The following CNTN5 variants were observed in gnomAD, a reference collection of about 807,000 sequenced individuals.
CNTN5 encodes contactin-5.
In CNTN5, 77 loss-of-function variants were observed where a neutral mutation model predicts 129.1. The ratio of observed to expected loss-of-function variants is 0.60; its 90% confidence interval spans 0.50 to 0.72. CNTN5 has a LOEUF of 0.72. Ranked by LOEUF, CNTN5 falls within the 30% of genes least tolerant of loss-of-function variation. The probability of loss-of-function intolerance (pLI) is 0.00; values close to 1 mark genes in which losing one functional copy is unlikely to be tolerated. For synonymous variants in CNTN5, 509 were observed against 465.6 expected (o/e 1.09, Z -1.20); for missense variants, 1,478 against 1,328.8 (o/e 1.11, Z -1.75).
chr11:100,125,342 T>A (rs937992274), intron 13 of CNTN5, among the ~76,000 whole-genome samples: 1 of 152,160 alleles, frequency 6.6e-6, no homozygotes, highest in African/African-American at 2.4e-5. Context: ...CCTCTAGTAA[T>A]CCTCAGTGTC....
At chr11:100,263,395 A>G (rs1950243202) in intron 17 of CNTN5, among the ~76,000 whole-genome samples, 1 of 152,190 alleles carries the variant, frequency 6.6e-6, no homozygotes, top group African/African-American at 2.4e-5. Flanking sequence ...TGTATGAAAC[A>G]CTGTAATATC....
intron 2 of CNTN5, among the ~76,000 whole-genome samples, chr11:99,554,273 T>C (rs1948596155): frequency 6.6e-6 from 1 of 152,112 alleles, no homozygotes; most frequent in African/African-American, 2.4e-5. Context: ...ACTGACTTAT[T>C]TATCCATGTG....
intron 2 of CNTN5, among the ~76,000 whole-genome samples, chr11:99,495,771 G>T (rs2135365744): frequency 6.6e-6 from 1 of 152,276 alleles, no homozygotes; most frequent in East Asian, 1.9e-4. Flanking sequence ...CAATTGAGAG[G>T]ATGGTGTACA....
intron 2 of CNTN5, among the ~76,000 whole-genome samples, chr11:99,534,904 A>G (rs1395537439): frequency 6.6e-6 from 1 of 152,154 alleles, no homozygotes; most frequent in African/African-American, 2.4e-5. Flanking sequence ...TTTACCCAAG[A>G]TGTGTGAAAG....
At chr11:99,449,131 T>C (rs1944196758) in intron 2 of CNTN5, among the ~76,000 whole-genome samples, 1 of 152,096 alleles carries the variant, frequency 6.6e-6, no homozygotes, top group East Asian at 1.9e-4. Flanking sequence ...GAGCTTACCA[T>C]TGTGTTAGCA....
chr11:99,791,371 G>A (rs1235968428), intron 3 of CNTN5, among the ~76,000 whole-genome samples: 1 of 152,110 alleles, frequency 6.6e-6, no homozygotes, highest in African/African-American at 2.4e-5. Context: ...TGGCTAGCAG[G>A]TTATTCCAAC....
intron 17 of CNTN5, among the ~76,000 whole-genome samples, chr11:100,266,542 A>G (rs1238137049): frequency 6.6e-6 from 1 of 151,680 alleles, no homozygotes; most frequent in Non-Finnish European, 1.5e-5. Context: ...ATTGCATTAT[A>G]TTTCACCAAA....
intron 1 of CNTN5, among the ~76,000 whole-genome samples, chr11:99,125,506 G>A (rs1210578495): frequency 1.3e-5 from 2 of 152,086 alleles, no homozygotes; most frequent in African/African-American, 2.4e-5. Flanking sequence ...CATACTGAAT[G>A]GGTAAAAGCT....
chr11:100,262,279 G>T (rs1357834162), intron 17 of CNTN5, among the ~76,000 whole-genome samples: 1 of 152,320 alleles, frequency 6.6e-6, no homozygotes, highest in African/African-American at 2.4e-5. Context: ...ATCATTAAAA[G>T]TCAGGAAACA....
chr11:99,275,566 T>G (rs535170668), intron 1 of CNTN5, among the ~76,000 whole-genome samples: 1 of 151,794 alleles, frequency 6.6e-6, no homozygotes, highest in African/African-American at 2.4e-5. Context: ...TTATTATTGT[T>G]AATGACTTCA....
At chr11:99,508,834 A>G (rs887883620) in intron 2 of CNTN5, among the ~76,000 whole-genome samples, 3 of 152,040 alleles carry the variant, frequency 2.0e-5, no homozygotes, top group Non-Finnish European at 2.9e-5. Flanking sequence ...GGCATGCGCC[A>G]CAATGCCCGG....
chr11:100,263,653 T>G (rs1291682878), intron 17 of CNTN5, among the ~76,000 whole-genome samples: 1 of 152,174 alleles, frequency 6.6e-6, no homozygotes, highest in Non-Finnish European at 1.5e-5. Context: ...GGTAGTTAAT[T>G]CAGGAAGGAC....
At chr11:99,918,446 T>A (rs975450985) in intron 7 of CNTN5, among the ~76,000 whole-genome samples, 1 of 152,194 alleles carries the variant, frequency 6.6e-6, no homozygotes, top group African/African-American at 2.4e-5. Context: ...AGAATTTTTT[T>A]AAAAACCTAT....
intron 2 of CNTN5, among the ~76,000 whole-genome samples, chr11:99,383,554 T>C (rs890520342): frequency 6.6e-6 from 1 of 152,104 alleles, no homozygotes; most frequent in Admixed American, 6.6e-5. Flanking sequence ...CTGCTCGTGG[T>C]TGATACTCAT....
intron 1 of CNTN5, among the ~76,000 whole-genome samples, chr11:99,045,009 T>C (rs996277426): frequency 1.3e-5 from 2 of 152,174 alleles, no homozygotes; most frequent in Admixed American, 1.3e-4. Context: ...TGCATGATGT[T>C]ATTGTGAAGA....
intron 9 of CNTN5, among the ~76,000 whole-genome samples, chr11:100,049,233 G>T (rs1239598089): frequency 2.6e-5 from 4 of 151,952 alleles, no homozygotes; most frequent in African/African-American, 7.3e-5. Context: ...ATATAATAAT[G>T]TGTTAGAGGG....
At chr11:99,259,845 A>G (rs1449998842) in intron 1 of CNTN5, among the ~76,000 whole-genome samples, 2 of 151,956 alleles carry the variant, frequency 1.3e-5, no homozygotes, top group African/African-American at 4.8e-5. Context: ...GTATAAAAAC[A>G]ATATCTCGTT....
chr11:99,826,293 T>C (rs1946955279), intron 4 of CNTN5, among the ~76,000 whole-genome samples: 1 of 152,194 alleles, frequency 6.6e-6, no homozygotes, highest in African/African-American at 2.4e-5. Flanking sequence ...ATTACAGTTC[T>C]GTTGGGGCTA....
chr11:99,460,792 G>A (rs1944669082), intron 2 of CNTN5, among the ~76,000 whole-genome samples: 1 of 152,018 alleles, frequency 6.6e-6, no homozygotes, highest in African/African-American at 2.4e-5. Flanking sequence ...AGAGTTTAAA[G>A]TGATATAGTC....
Sources: allele counts gnomAD v4.1 joint callset (sites outside exome capture counted in the v4.1 genomes callset), GRCh38; gene constraint gnomAD v4.1.1; transcripts MANE v1.5; gene names NCBI Gene and HGNC (gene_info 2026-07-23, HGNC 2026-07-21).